Variants in RAB3IP observed in about 807,000 individuals in gnomAD.
RAB3IP encodes the protein rab-3A-interacting protein.
Under a neutral mutation model 59.1 loss-of-function variants are expected in RAB3IP, and 36 were observed. That is an observed-to-expected ratio of 0.61 (90% CI 0.47 to 0.80). The LOEUF is 0.80. RAB3IP is among the 30% of genes least tolerant of loss of function. RAB3IP has a pLI of 0.00. For synonymous variants in RAB3IP, 207 were observed against 191.2 expected, an observed-to-expected ratio of 1.08 and a Z score of -0.68; for missense variants, 511 against 536.0, an observed-to-expected ratio of 0.95 and a Z score of 0.46.
chr12:69,766,060 T>C (rs1164308964), intron 3 of RAB3IP, among the ~76,000 whole-genome samples: 1 of 152,222 alleles, frequency 6.6e-6, no homozygotes, highest in Non-Finnish European at 1.5e-5. Context: ...CTAACCTTTT[T>C]CTCAGCCTTT....
At chr12:69,758,681 TTAAA>T (rs1434275426) in intron 3 of RAB3IP, among the ~76,000 whole-genome samples, 1 of 151,224 alleles carries the variant, frequency 6.6e-6, no homozygotes, top group African/African-American at 2.4e-5. Flanking sequence ...TTAAAGAGAC[TTAAA>T]TAATAACAAA....
rs1165598369 is a variant in RAB3IP, at chr12:69,756,608, A to C, written c.455A>C (p.Glu152Ala). The C allele has an allele frequency of 1.9e-6, 3 of 1,614,054 alleles. No individual in the cohort carries two copies. The highest frequency in any genetic ancestry group is 2.5e-6 in the Non-Finnish European group (3 of 1,179,952). Residue 152 changes from glutamate (E) to alanine (A), a missense_variant, in exon 3 of 11, where the codon GAA becomes GCA. Physicochemically the swap from Glu to Ala is moderately radical, Grantham distance 107. Transcript: ENST00000247833. ...CGTTTACGAAGCCCATCTGTTTTGGAAGTTAGAGAAAAGGGCTATGAACGA... is the reference window on the plus strand; with the variant it reads ...CGTTTACGAAGCCCATCTGTTTTGGCAGTTAGAGAAAAGGGCTATGAACGA... The part of the protein sequence containing the change: ...LSRLRSPSVL[E>A]VREKGYERLK...
intron 7 of RAB3IP, 146 bp from the exon 8 acceptor site, chr12:69,801,463 T>C (rs1226408816): frequency 2.1e-6 from 1 of 465,884 alleles, no homozygotes; most frequent in Non-Finnish European, 3.8e-6. Context: ...CAAACCAAAA[T>C]TATCTGATTT....
chr12:69,793,332 T>TGAACAAACGGG (rs1876929230), intron 4 of RAB3IP, among the ~76,000 whole-genome samples: 1 of 152,160 alleles, frequency 6.6e-6, no homozygotes, highest in African/African-American at 2.4e-5. Context: ...TAAAAGCTAA[T>TGAACAAACGGG]GAACAAACGG....
chr12:69,821,890 T>A lies in RAB3IP; in HGVS notation c.*6444T>A, dbSNP rs887149988. 1.3e-5 allele frequency: 2 copies of A among 152,204 alleles called. No individual in the cohort carries two copies. Among genetic ancestry groups the A allele is most frequent in the Non-Finnish European group, 2.9e-5 (2 of 68,054 alleles). 9.4% of individuals were successfully genotyped at this position (152,204 alleles called of 1,614,324 possible). On this transcript the variant is annotated 3_prime_UTR_variant, in exon 11 of 11. Coordinates refer to ENST00000247833, the MANE Select transcript of RAB3IP (RefSeq NM_022456.5). ...CTAAGGGACCCACTTTACTCACTTA[T>A]CTGCTGGGCCTTGGAAGTATTTCAG...
chr12:69,750,427 A>G (rs547473728), intron 1 of RAB3IP, among the ~76,000 whole-genome samples: 4 of 152,294 alleles, frequency 2.6e-5, no homozygotes, highest in Non-Finnish European at 4.4e-5. Context: ...AAAATTAACT[A>G]TAATTCCTAA....
chr12:69,809,853 T>C (rs1880125495), intron 8 of RAB3IP, among the ~76,000 whole-genome samples: 1 of 152,200 alleles, frequency 6.6e-6, no homozygotes, highest in African/African-American at 2.4e-5. Context: ...AACTTCCTCC[T>C]TTAGCTCAGA....
rs182033612 is a variant in RAB3IP at position 69,815,459 on chromosome 12, G to A, written c.*13G>A. 2 of 1,564,290 alleles carry A rather than the reference G, an allele frequency of 1.3e-6. No individual in the cohort carries two copies. Among genetic ancestry groups the A allele is most frequent in the Non-Finnish European group, 1.8e-6 (2 of 1,135,948 alleles). On this transcript the variant is annotated 3_prime_UTR_variant, in exon 11 of 11. Transcript: ENST00000247833. ...AGAGGAACTCTGATGCTCTGCGTGG[G>A]ACCATGCCTGAACTCCCCGAATAAC...
rs1438134071 is a variant in RAB3IP, at chr12:69,816,947, G to A, written c.*1501G>A. 2 of 152,218 alleles carry A rather than the reference G, an allele frequency of 1.3e-5. No homozygotes were observed. Among genetic ancestry groups the A allele is most frequent in the Non-Finnish European group, 2.9e-5 (2 of 68,038 alleles). The allele number at this position is 152,218 out of a possible 1,614,324, so 9.4% of individuals were successfully genotyped here. On this transcript the variant is annotated 3_prime_UTR_variant, in exon 11 of 11. Coordinates refer to ENST00000247833, the MANE Select transcript of RAB3IP (RefSeq NM_022456.5). ...TCAGTACCATGCCTAGCTCAAGAAT[G>A]TGAAATTGAACCTGAAAAAAACTTT...
intron 4 of RAB3IP, 101 bp from the exon 5 acceptor site, chr12:69,794,335 CT>C: frequency 1.1e-6 from 1 of 884,268 alleles, no homozygotes; most frequent in South Asian, 1.6e-5. Flanking sequence ...TTCAGGCTAA[CT>C]TTTGGTAGTA....
chr12:69,780,784 T>A (rs953856442), intron 3 of RAB3IP, among the ~76,000 whole-genome samples: 3 of 152,190 alleles, frequency 2.0e-5, no homozygotes, highest in African/African-American at 4.8e-5. Flanking sequence ...GCCTAGGCAC[T>A]AGTGTGCTTG....
rs535786942 is a variant in RAB3IP, at chr12:69,803,860, G to A, written c.1130+2139G>A. On this transcript the variant is annotated intron_variant, in intron 8 of 10. Transcript: ENST00000247833. ...TTTTTATGGCTACATAGTATTCCAT[G>A]GTGTATATGTGCCACATTTTCTTAA... 3.0e-3 allele frequency among the ~76,000 whole-genome samples: 457 copies of A among 152,256 alleles called. 4 individuals are homozygous for A. Among genetic ancestry groups the A allele is most frequent in the African/African-American group, 0.011 (437 of 41,554 alleles).
At chr12:69,780,914 C>T (rs569417755) in intron 3 of RAB3IP, among the ~76,000 whole-genome samples, 1 of 151,910 alleles carries the variant, frequency 6.6e-6, no homozygotes, top group African/African-American at 2.4e-5. Flanking sequence ...ACCTTTGTTT[C>T]CTGCCATAAA....
chr12:69,784,089 T>C (rs915492261), intron 3 of RAB3IP, among the ~76,000 whole-genome samples: 2 of 152,216 alleles, frequency 1.3e-5, no homozygotes, highest in African/African-American at 4.8e-5. Flanking sequence ...TTGCATATGC[T>C]TAATAGCTGA....
chr12:69,772,758 A>G (rs1268606040), intron 3 of RAB3IP, among the ~76,000 whole-genome samples: 1 of 152,188 alleles, frequency 6.6e-6, no homozygotes, highest in African/African-American at 2.4e-5. Flanking sequence ...TCTCTTAACA[A>G]AGTATTACAG....
intron 7 of RAB3IP, among the ~76,000 whole-genome samples, chr12:69,801,248 A>G (rs1457511043): frequency 1.3e-5 from 2 of 152,222 alleles, no homozygotes; most frequent in Admixed American, 6.5e-5. Flanking sequence ...ATAAATGACC[A>G]ATGTTTAAAA....
rs532408245 is a variant in RAB3IP at position 69,746,789 on chromosome 12, TC to T, written c.-26+7759del. 1.0e-3 allele frequency among the ~76,000 whole-genome samples: 152 copies of T among 152,378 alleles called. 1 individual carries two copies. Among genetic ancestry groups the T allele is most frequent in the African/African-American group, 3.5e-3 (145 of 41,600 alleles). On this transcript the variant is annotated intron_variant, in intron 1 of 10. Coordinates refer to ENST00000247833, the MANE Select transcript of RAB3IP (RefSeq NM_022456.5). ...ATTATATGCTATTGAAGTAGCAGTC[TC>T]ATTTTTAATCTCAGAAACTGTTTCT...
intron 3 of RAB3IP, among the ~76,000 whole-genome samples, chr12:69,772,348 T>G (rs1014771226): frequency 6.6e-6 from 1 of 152,162 alleles, no homozygotes; most frequent in African/African-American, 2.4e-5. Context: ...TGGGTCTTGT[T>G]TTTTAAATTC....
intron 3 of RAB3IP, among the ~76,000 whole-genome samples, chr12:69,775,302 G>T (rs1873723335): frequency 7.6e-6 from 1 of 131,634 alleles, no homozygotes; most frequent in South Asian, 2.8e-4. Flanking sequence ...TCAGCTTAAG[G>T]AGATTTTGGG....
Sources: allele counts gnomAD v4.1 joint callset (sites outside exome capture counted in the v4.1 genomes callset), GRCh38; gene constraint gnomAD v4.1.1; transcripts MANE v1.5; gene names NCBI Gene and HGNC (gene_info 2026-07-23, HGNC 2026-07-21).